The following ZNF280D variants were observed in gnomAD, a reference collection of about 807,000 sequenced individuals.
ZNF280D encodes suppressor of hairy wing homolog 4.
Under a neutral mutation model 94.7 loss-of-function variants are expected in ZNF280D, and 39 were observed. The ratio of observed to expected loss-of-function variants is 0.41; its 90% CI spans 0.32 to 0.54. The LOEUF (loss-of-function observed/expected upper bound fraction) is 0.54. Ranked by LOEUF, ZNF280D falls within the 20% of genes least tolerant of loss-of-function variation. ZNF280D has a pLI of 0.22. For missense variants in ZNF280D, 1,090 were observed against 1,149.3 expected (o/e 0.95, Z 0.75); for synonymous variants, 398 against 377.6 (o/e 1.05, Z -0.63).
chr15:56,720,958 T>G (rs2058321345), intron 1 of ZNF280D, among the ~76,000 whole-genome samples: 1 of 87,932 alleles, frequency 1.1e-5, no homozygotes, highest in Non-Finnish European at 2.3e-5. Context: ...AGAGTAGATT[T>G]AGCATTTTTT....
intron 13 of ZNF280D, among the ~76,000 whole-genome samples, chr15:56,671,410 A>G (rs951720315): frequency 6.6e-6 from 1 of 152,050 alleles, no homozygotes; most frequent in African/African-American, 2.4e-5. Context: ...CAGTTTCCCA[A>G]TGACCATTTA....
chr15:56,655,805 T>C (rs2053516716), intron 17 of ZNF280D, among the ~76,000 whole-genome samples: 2 of 152,242 alleles, frequency 1.3e-5, no homozygotes, highest in South Asian at 2.1e-4. Flanking sequence ...ATATATTTAA[T>C]TTCTTATAAG....
At chr15:56,679,103 A>G (rs1489633443) in intron 10 of ZNF280D, among the ~76,000 whole-genome samples, 1 of 152,168 alleles carries the variant, frequency 6.6e-6, no homozygotes, top group Non-Finnish European at 1.5e-5. Context: ...GATTATTTAA[A>G]AAATTTTTTT....
At chr15:56,715,097 A>T (rs72744981) in intron 1 of ZNF280D, among the ~76,000 whole-genome samples, 3,144 of 152,182 alleles carry the variant, frequency 0.021, 49 homozygotes, top group Non-Finnish European at 0.032. Context: ...GTGAATACTC[A>T]ATTTCTGGAA....
intron 1 of ZNF280D, among the ~76,000 whole-genome samples, chr15:56,719,407 T>C (rs1159435211): frequency 1.3e-5 from 2 of 151,884 alleles, no homozygotes; most frequent in African/African-American, 4.8e-5. Flanking sequence ...CTCTTTCACC[T>C]TATAAATCGC....
At position 56,708,938 on chromosome 15, in the gene ZNF280D, C is replaced by A. The variant is rs201825596; in HGVS notation, c.-85-1632G>T. ...AAACCTAGGCAATACCATTCAGGAC[C>A]TAGGCATGGGCAAGGACTTCATGTC... On this transcript the variant is annotated intron_variant, in intron 1 of 21. Coordinates refer to ENST00000267807, the MANE Select transcript of ZNF280D (RefSeq NM_017661.4). Among the ~76,000 whole-genome samples the A allele has an allele frequency of 5.9e-3, 903 of 152,082 alleles. 9 individuals are homozygous for A. The highest frequency in any genetic ancestry group is 0.037 in the East Asian group (193 of 5,168).
rs997873093 is a variant in ZNF280D, at chr15:56,704,373, A to T, written c.29-106T>A. 6.3e-6 allele frequency: 7 copies of T among 1,116,424 alleles called. No individual in the cohort carries two copies. In the African/African-American group the frequency reaches 1.1e-4, roughly 18 times the overall value. The allele number at this position is 1,116,424 out of a possible 1,614,324, so 69.2% of individuals were successfully genotyped here. A position where few individuals can be genotyped will look rare whatever the true frequency, so the allele number is the denominator to read the frequency against. Reference sequence around the variant, plus strand: ...TAAGGTGTACTTTAATAATCTTAATAGCAATTTCTGAATTGATATTTGTAG... The same window carrying T: ...TAAGGTGTACTTTAATAATCTTAATTGCAATTTCTGAATTGATATTTGTAG... On this transcript the variant is annotated intron_variant, in intron 3 of 21. Transcript: ENST00000267807.
intron 4 of ZNF280D, among the ~76,000 whole-genome samples, chr15:56,703,532 GA>G (rs2057212415): frequency 6.6e-6 from 1 of 152,214 alleles, no homozygotes; most frequent in African/African-American, 2.4e-5. Flanking sequence ...CTGGGTTGGA[GA>G]AAAATGAAAA....
chr15:56,706,952 C>G, intron 3 of ZNF280D, 130 bp downstream of exon 3: 1 of 787,202 alleles, frequency 1.3e-6, no homozygotes, highest in Non-Finnish European at 2.1e-6. Flanking sequence ...TTTATGTGAA[C>G]ATTTGTTACT....
Position 56,677,688 on chromosome 15 carries a change from A to G in ZNF280D, c.1163-14T>C. 3 of 1,295,928 alleles carry G rather than the reference A, an allele frequency of 2.3e-6. No homozygotes were observed. The highest frequency in any genetic ancestry group is 2.0e-4 in the Middle Eastern group (1 of 4,990). 80.3% of individuals were successfully genotyped at this position (1,295,928 alleles called of 1,614,324 possible). ...TTTTACAAATAGCTAAATGTGGGAG[A>G]GAAACAGTATAATAATATTTAAGAT... On this transcript the variant is annotated splice_polypyrimidine_tract_variant and intron_variant, in intron 11 of 21. Transcript: ENST00000267807.
Position 56,702,129 on chromosome 15 carries a change from T to A in ZNF280D, c.176-891A>T, listed in dbSNP as rs556529268. Among the ~76,000 whole-genome samples, 23 of 152,038 alleles carry A rather than the reference T, an allele frequency of 1.5e-4. No homozygotes were observed. The South Asian group carries it at 4.8e-3, about 32-fold the overall frequency. ...ATTAAGTAATTCTATAAAATAATGG[T>A]TCACACAGAAATATGGTTGTTTTCT... is the stretch of plus-strand genomic sequence containing the variant. On this transcript the variant is annotated intron_variant, in intron 4 of 21. Coordinates refer to ENST00000267807, the MANE Select transcript of ZNF280D (RefSeq NM_017661.4).
Position 56,700,914 on chromosome 15 carries a change from T to G in ZNF280D, c.381+19A>C. The G allele has an allele frequency of 6.2e-7, 1 of 1,613,830 alleles. No individual in the cohort carries two copies. The highest frequency in any genetic ancestry group is 8.5e-7 in the Non-Finnish European group (1 of 1,179,810). ...CCAATGGATCCCTGAGCTGGCCGTA[T>G]AGTTTTAGAAACACTTACAGGTTTA... On this transcript the variant is annotated intron_variant, in intron 6 of 21. Coordinates refer to ENST00000267807, the MANE Select transcript of ZNF280D (RefSeq NM_017661.4).
chr15:56,684,930 A>G (rs190337521), intron 9 of ZNF280D, among the ~76,000 whole-genome samples: 4 of 152,316 alleles, frequency 2.6e-5, no homozygotes, highest in Admixed American at 2.0e-4. Context: ...ATATCATTAT[A>G]AAATTATCAG....
intron 13 of ZNF280D, among the ~76,000 whole-genome samples, chr15:56,675,104 C>T (rs1332200420): frequency 1.3e-5 from 2 of 151,954 alleles, no homozygotes; most frequent in Non-Finnish European, 2.9e-5. Context: ...ACCTCCCAGG[C>T]ACTCCAAACA....
chr15:56,706,361 C>T (rs750334620), intron 3 of ZNF280D, among the ~76,000 whole-genome samples: 14 of 151,324 alleles, frequency 9.3e-5, no homozygotes, highest in Non-Finnish European at 1.5e-4. Flanking sequence ...AACTGTAGTC[C>T]CAGCTACTCA....
chr15:56,709,405 T>C (rs1283868034), intron 1 of ZNF280D, among the ~76,000 whole-genome samples: 1 of 151,608 alleles, frequency 6.6e-6, no homozygotes, highest in African/African-American at 2.4e-5. Context: ...TTTTACACTG[T>C]TGGTGGGACT....
chr15:56,733,390 G>C (rs2059003152), intron 1 of ZNF280D, 68 bp downstream of exon 1: 1 of 931,098 alleles, frequency 1.1e-6, no homozygotes, highest in Non-Finnish European at 1.3e-6. Flanking sequence ...GAGTGAGGCG[G>C]CGCAGGCCGC....
chr15:56,665,359 T>C (rs1452619388), intron 16 of ZNF280D, among the ~76,000 whole-genome samples: 3 of 152,110 alleles, frequency 2.0e-5, no homozygotes, highest in Non-Finnish European at 4.4e-5. Flanking sequence ...TTAAAAAAAA[T>C]ACAAACCCAT....
intron 13 of ZNF280D, among the ~76,000 whole-genome samples, chr15:56,671,493 C>T (rs745472808): frequency 4.6e-5 from 7 of 151,766 alleles, no homozygotes; most frequent in East Asian, 1.9e-4. Flanking sequence ...TGTAGGTGTG[C>T]GGTTTTATTT....
Sources: allele counts gnomAD v4.1 joint callset (sites outside exome capture counted in the v4.1 genomes callset), GRCh38; gene constraint gnomAD v4.1.1; transcripts MANE v1.5; gene names NCBI Gene and HGNC (gene_info 2026-07-23, HGNC 2026-07-21).